The following RBFOX3 variants were observed in gnomAD, a reference collection of about 807,000 sequenced individuals.
RBFOX3 encodes the protein RNA binding protein fox-1 homolog 3.
RBFOX3 carries 17 observed loss-of-function variants against 48.7 expected under a neutral mutation model. The observed-to-expected ratio is 0.35, with a 90% CI of 0.24 to 0.52. The LOEUF is 0.52. Ranked by LOEUF, RBFOX3 falls within the 20% of genes least tolerant of loss-of-function variation. The probability of loss-of-function intolerance (pLI) is 0.94; values close to 1 mark genes in which losing one functional copy is unlikely to be tolerated. For missense variants in RBFOX3, 382 were observed against 497.5 expected (o/e 0.77, Z 2.21); for synonymous variants, 212 against 209.5 (o/e 1.01, Z -0.10).
intron 1 of RBFOX3, among the ~76,000 whole-genome samples, chr17:79,582,644 A>G (rs2093111032): frequency 6.6e-6 from 1 of 152,034 alleles, no homozygotes; most frequent in South Asian, 2.1e-4. Flanking sequence ...CAAAAAATAC[A>G]AAATTAGCTA....
intron 4 of RBFOX3, among the ~76,000 whole-genome samples, chr17:79,176,399 C>T (rs949013590): frequency 6.6e-6 from 1 of 152,202 alleles, no homozygotes; most frequent in African/African-American, 2.4e-5. Context: ...CCAAGCAGGG[C>T]CCATGGCATG....
intron 3 of RBFOX3, among the ~76,000 whole-genome samples, chr17:79,280,162 C>T (rs1269037865): frequency 1.6e-5 from 2 of 122,360 alleles, no homozygotes; most frequent in Non-Finnish European, 1.8e-5. Flanking sequence ...CACACACACA[C>T]GCACACACCA....
At chr17:79,513,207 CA>C (rs1857528519) in intron 1 of RBFOX3, among the ~76,000 whole-genome samples, 1 of 151,742 alleles carries the variant, frequency 6.6e-6, no homozygotes, top group African/African-American at 2.4e-5. Flanking sequence ...GCCCCATGGC[CA>C]GGGGACACAT....
At chr17:79,453,202 G>A (rs886433842) in intron 2 of RBFOX3, among the ~76,000 whole-genome samples, 4 of 152,242 alleles carry the variant, frequency 2.6e-5, no homozygotes, top group Non-Finnish European at 5.9e-5. Context: ...TGAAGAGTGC[G>A]TGTTGGCTCT....
At chr17:79,213,428 T>C (rs1488560697) in intron 4 of RBFOX3, among the ~76,000 whole-genome samples, 1 of 152,188 alleles carries the variant, frequency 6.6e-6, no homozygotes, top group Non-Finnish European at 1.5e-5. Context: ...CCGCAACTGC[T>C]ACCAGGACCT....
intron 3 of RBFOX3, among the ~76,000 whole-genome samples, 183 bp from the exon 4 acceptor site, chr17:79,235,988 T>C (rs1003309922): frequency 6.6e-6 from 1 of 152,156 alleles, no homozygotes; most frequent in Non-Finnish European, 1.5e-5. Flanking sequence ...ATCTCAAGCA[T>C]GGCTGGGAGG....
intron 4 of RBFOX3, among the ~76,000 whole-genome samples, chr17:79,209,367 T>C (rs372611575): frequency 3.3e-4 from 50 of 152,348 alleles, no homozygotes; most frequent in African/African-American, 1.0e-3. Flanking sequence ...GGGACAAGGC[T>C]TCATCCCTGT....
chr17:79,216,826 C>T (rs1320585968), intron 4 of RBFOX3, among the ~76,000 whole-genome samples: 1 of 115,454 alleles, frequency 8.7e-6, no homozygotes, highest in Non-Finnish European at 2.1e-5. Flanking sequence ...CAGGGTCATG[C>T]AGCTGCCAAG....
intron 3 of RBFOX3, among the ~76,000 whole-genome samples, chr17:79,246,598 C>T (rs943434677): frequency 6.6e-6 from 1 of 152,226 alleles, no homozygotes; most frequent in African/African-American, 2.4e-5. Context: ...CTGTCTGCTG[C>T]ACCTGTCCCC....
In RBFOX3 at chr17:79,123,147, G is replaced by A. The variant is rs534120242; in HGVS notation, c.-33-7399C>T. 2.0e-5 allele frequency among the ~76,000 whole-genome samples: 3 copies of A among 152,204 alleles called. No individual in the cohort carries two copies. In the South Asian group the frequency reaches 6.2e-4, roughly 32 times the overall value. ...AATGAATAAGACCTACTATTTGATGGTATAACAGGGTGACTATAGTCAATA... is the reference window on the plus strand; with the variant it reads ...AATGAATAAGACCTACTATTTGATGATATAACAGGGTGACTATAGTCAATA... On this transcript the variant is annotated intron_variant, in intron 4 of 14. Coordinates refer to ENST00000693108, the MANE Select transcript of RBFOX3 (RefSeq NM_001350451.2).
At chr17:79,604,255 A>C (rs2093776931) in intron 1 of RBFOX3, among the ~76,000 whole-genome samples, 1 of 152,190 alleles carries the variant, frequency 6.6e-6, no homozygotes, top group Non-Finnish European at 1.5e-5. Flanking sequence ...AGGTGTCAAC[A>C]CCAAGTCATT....
Position 79,090,807 on chromosome 17 carries a change from GTTTTTTTTGTTTTGTGA to G in RBFOX3, c.*59_*75del, listed in dbSNP as rs2073730183. 1 of 1,409,794 alleles carries G rather than the reference GTTTTTTTTGTTTTGTGA, an allele frequency of 7.1e-7. No homozygotes were observed. 87.3% of individuals were successfully genotyped at this position (1,409,794 alleles called of 1,614,324 possible). A position where few individuals can be genotyped will look rare whatever the true frequency, so the allele number is the denominator to read the frequency against. On this transcript the variant is annotated 3_prime_UTR_variant, in exon 15 of 15. Coordinates refer to ENST00000693108, the MANE Select transcript of RBFOX3 (RefSeq NM_001350451.2). ...TGCTTGGATCTTAACATCTTTTTTT[GTTTTTTTTGTTTTGTGA>G]TTTTTTTTGTTTTTTTGTTTTTGCC...
intron 4 of RBFOX3, among the ~76,000 whole-genome samples, chr17:79,170,120 A>AAGG (rs2048877317): frequency 7.2e-6 from 1 of 139,680 alleles, no homozygotes; most frequent in African/African-American, 3.0e-5. Context: ...AGGAGGAAGG[A>AAGG]AGGAAGGAAG....
At chr17:79,449,202 GT>G (rs1177723314) in intron 2 of RBFOX3, among the ~76,000 whole-genome samples, 2 of 152,066 alleles carry the variant, frequency 1.3e-5, no homozygotes, top group Non-Finnish European at 2.9e-5. Flanking sequence ...GGCACTGTGT[GT>G]TTTTTTCAGC....
intron 1 of RBFOX3, among the ~76,000 whole-genome samples, chr17:79,589,919 T>C (rs1360669881): frequency 1.3e-5 from 2 of 152,006 alleles, no homozygotes; most frequent in African/African-American, 2.4e-5. Context: ...GAGGTTTATA[T>C]AAAATGACAG....
chr17:79,133,937 G>A (rs2039570461), intron 4 of RBFOX3, among the ~76,000 whole-genome samples: 1 of 152,244 alleles, frequency 6.6e-6, no homozygotes, highest in Non-Finnish European at 1.5e-5. Flanking sequence ...CAGCTACAGA[G>A]GCATCCTCGT....
chr17:79,450,226 T>C (rs1242675772), intron 2 of RBFOX3, among the ~76,000 whole-genome samples: 2 of 152,202 alleles, frequency 1.3e-5, no homozygotes, highest in Non-Finnish European at 2.9e-5. Flanking sequence ...CCCGCCCTCC[T>C]GTAGGCGAGA....
chr17:79,178,120 C>T (rs58897650), intron 4 of RBFOX3, among the ~76,000 whole-genome samples: 1 of 152,124 alleles, frequency 6.6e-6, no homozygotes, highest in Non-Finnish European at 1.5e-5. Flanking sequence ...CTCCTACGGG[C>T]TCCTTCCCCG....
At chr17:79,248,614 A>G (rs1401040296) in intron 3 of RBFOX3, among the ~76,000 whole-genome samples, 2 of 152,258 alleles carry the variant, frequency 1.3e-5, no homozygotes, top group Non-Finnish European at 2.9e-5. Flanking sequence ...AGTAGCTCCC[A>G]TGGGCAACTG....
Sources: allele counts gnomAD v4.1 joint callset (sites outside exome capture counted in the v4.1 genomes callset), GRCh38; gene constraint gnomAD v4.1.1; transcripts MANE v1.5; gene names NCBI Gene and HGNC (gene_info 2026-07-23, HGNC 2026-07-21).